MAP3K20: variants seen among roughly 807,000 people sequenced by gnomAD.
MAP3K20 encodes HCCS-4.
Under a neutral mutation model 85.7 loss-of-function variants are expected in MAP3K20, and 40 were observed. The observed-to-expected ratio is 0.47, with a 90% CI of 0.36 to 0.61. The LOEUF (loss-of-function observed/expected upper bound fraction) is 0.61. Ranked by LOEUF, MAP3K20 falls within the 20% of genes least tolerant of loss-of-function variation. MAP3K20 has a pLI of 0.00. For synonymous variants in MAP3K20, 325 were observed against 327.7 expected (o/e 0.99, Z 0.09); for missense variants, 817 against 961.7 (o/e 0.85, Z 1.99).
chr2:173,144,523 GAGAAA>G (rs1021217625), intron 2 of MAP3K20, among the ~76,000 whole-genome samples: 11 of 142,808 alleles, frequency 7.7e-5, no homozygotes, highest in South Asian at 2.2e-4. Flanking sequence ...AGAAAAAAAA[GAGAAA>G]AGAAAAGAAA....
intron 2 of MAP3K20, among the ~76,000 whole-genome samples, chr2:173,113,074 T>A (rs951970988): frequency 6.6e-6 from 1 of 152,140 alleles, no homozygotes; most frequent in African/African-American, 2.4e-5. Context: ...GATTTTTAAA[T>A]TACCATTTCA....
chr2:173,213,000 C>CAAAGT lies in MAP3K20; in HGVS notation c.851+3167_851+3171dup, dbSNP rs532280022. Among the ~76,000 whole-genome samples the CAAAGT allele has an allele frequency of 7.5e-3, 1,142 of 151,998 alleles. 5 individuals are homozygous for CAAAGT. Among genetic ancestry groups the CAAAGT allele is most frequent in the Middle Eastern group, 0.021 (6 of 290 alleles). ...AAATCACAGATCTGATAAATGATTT[C>CAAAGT]AAAGTAGACCCTACAGTCTAGTTTG... On this transcript the variant is annotated intron_variant, in intron 10 of 19. Transcript: ENST00000375213.
chr2:173,172,397 A>G (rs545974438), intron 3 of MAP3K20, among the ~76,000 whole-genome samples: 32 of 152,136 alleles, frequency 2.1e-4, no homozygotes, highest in African/African-American at 7.2e-4. Context: ...TGAGAACTTG[A>G]AAGAATGATT....
intron 2 of MAP3K20, among the ~76,000 whole-genome samples, chr2:173,130,636 G>A (rs1035129061): frequency 4.6e-5 from 7 of 152,128 alleles, no homozygotes; most frequent in Admixed American, 3.3e-4. Context: ...AGAATGTGTT[G>A]GATCCTGTCC....
chr2:173,121,090 T>C (rs1474804161), intron 2 of MAP3K20, among the ~76,000 whole-genome samples: 2 of 152,192 alleles, frequency 1.3e-5, no homozygotes, highest in Admixed American at 1.3e-4. Flanking sequence ...ATTCAAGGCA[T>C]ATTCTTACTT....
At chr2:173,163,462 C>CT (rs771655631) in intron 2 of MAP3K20, among the ~76,000 whole-genome samples, 1 of 152,146 alleles carries the variant, frequency 6.6e-6, no homozygotes, top group African/African-American at 2.4e-5. Context: ...TAATCTTGTT[C>CT]TTTTTTATGG....
At chr2:173,223,440 G>T in intron 11 of MAP3K20, 1 of 984,496 alleles carries the variant, frequency 1.0e-6, no homozygotes, top group Non-Finnish European at 1.2e-6. Flanking sequence ...AGTGGCTAAT[G>T]TTAGCTACTA....
chr2:173,177,525 G>T (rs1445328917), intron 3 of MAP3K20, among the ~76,000 whole-genome samples: 1 of 141,238 alleles, frequency 7.1e-6, no homozygotes, highest in Non-Finnish European at 1.5e-5. Flanking sequence ...TCGGCTCACT[G>T]CAACCTCCAC....
intron 2 of MAP3K20, among the ~76,000 whole-genome samples, chr2:173,122,782 G>A (rs1278190046): frequency 6.6e-6 from 1 of 152,132 alleles, no homozygotes; most frequent in Non-Finnish European, 1.5e-5. Context: ...AAAGCATTTT[G>A]ATTAATATGT....
At chr2:173,234,812 G>C (rs1209263505) in intron 14 of MAP3K20, among the ~76,000 whole-genome samples, 3 of 152,284 alleles carry the variant, frequency 2.0e-5, no homozygotes, top group East Asian at 3.9e-4. Flanking sequence ...CTTCAGGCTG[G>C]GGGGAAAGAG....
intron 2 of MAP3K20, among the ~76,000 whole-genome samples, chr2:173,143,752 A>G (rs1689043278): frequency 6.6e-6 from 1 of 152,234 alleles, no homozygotes; most frequent in Non-Finnish European, 1.5e-5. Flanking sequence ...TGCAGATTAA[A>G]TGATTGTTTA....
chr2:173,217,394 G>A (rs1684110969), intron 11 of MAP3K20, 144 bp downstream of exon 11: 2 of 941,602 alleles, frequency 2.1e-6, no homozygotes, highest in Non-Finnish European at 2.9e-6. Flanking sequence ...GGGCCCGCGT[G>A]TGGACTCAAG....
chr2:173,251,189 G>A (rs975268130), intron 16 of MAP3K20, among the ~76,000 whole-genome samples: 1 of 152,056 alleles, frequency 6.6e-6, no homozygotes, highest in African/African-American at 2.4e-5. Flanking sequence ...TGACTCTTGT[G>A]GCTCTTCCAG....
At chr2:173,235,095 CA>C (rs1272566282) in intron 14 of MAP3K20, among the ~76,000 whole-genome samples, 1 of 152,054 alleles carries the variant, frequency 6.6e-6, no homozygotes, top group African/African-American at 2.4e-5. Context: ...CTGTCGCAGG[CA>C]GTAAAAGAAT....
At chr2:173,161,767 A>G (rs917983098) in intron 2 of MAP3K20, among the ~76,000 whole-genome samples, 4 of 152,162 alleles carry the variant, frequency 2.6e-5, no homozygotes, top group African/African-American at 9.7e-5. Context: ...TTAGTCTCAT[A>G]GCTTCTCAGA....
In MAP3K20 at chr2:173,094,284, T is replaced by C. The variant is rs945807889; in HGVS notation, c.159+3094T>C. Among the ~76,000 whole-genome samples, 10 of 152,330 alleles carry C rather than the reference T, an allele frequency of 6.6e-5. No homozygotes were observed. The East Asian group carries it at 1.9e-3, about 29-fold the overall frequency. The stretch of plus-strand genomic sequence containing the variant: ...TATGTTATTGATTTATATGTATTCA[T>C]ATATATTGTATGATTTTTGCTGAAC... On this transcript the variant is annotated intron_variant, in intron 2 of 19. Coordinates refer to ENST00000375213, the MANE Select transcript of MAP3K20 (RefSeq NM_016653.3).
chr2:173,132,208 AAAGAAGAAAAAACAGATCAG>A (rs1373070209), intron 2 of MAP3K20, among the ~76,000 whole-genome samples: 5 of 152,188 alleles, frequency 3.3e-5, no homozygotes, highest in Non-Finnish European at 7.3e-5. Flanking sequence ...TCAAATTTAA[AAAGAAGAAAAAACAGATCAG>A]ATCATGTCAT....
At chr2:173,184,829 C>T (rs1208869797) in intron 4 of MAP3K20, among the ~76,000 whole-genome samples, 4 of 151,256 alleles carry the variant, frequency 2.6e-5, no homozygotes, top group African/African-American at 9.7e-5. Context: ...GCAAGAGAAT[C>T]GCTCAAACCC....
rs556724214 is a variant in MAP3K20, at chr2:173,122,910, G to A, written c.159+31720G>A. On this transcript the variant is annotated intron_variant, in intron 2 of 19. Coordinates refer to ENST00000375213, the MANE Select transcript of MAP3K20 (RefSeq NM_016653.3). ...AGAAACCAGGAAGCTCATCTCAGTCGTGACATCTCCTGCGGTCTTACTGGT... is the reference window on the plus strand; with the variant it reads ...AGAAACCAGGAAGCTCATCTCAGTCATGACATCTCCTGCGGTCTTACTGGT... 5.6e-4 allele frequency among the ~76,000 whole-genome samples: 86 copies of A among 152,262 alleles called. No homozygotes were observed. In the South Asian group the frequency reaches 0.016, roughly 28 times the overall value.
Sources: allele counts gnomAD v4.1 joint callset (sites outside exome capture counted in the v4.1 genomes callset), GRCh38; gene constraint gnomAD v4.1.1; transcripts MANE v1.5; gene names NCBI Gene and HGNC (gene_info 2026-07-23, HGNC 2026-07-21).